The following NKAIN2 variants were observed in gnomAD, a reference collection of about 807,000 sequenced individuals.
NKAIN2 encodes the protein sodium/potassium-transporting ATPase subunit beta-1-interacting protein 2.
In NKAIN2, 14 loss-of-function variants were observed where a neutral mutation model predicts 32.6. That is an observed-to-expected ratio of 0.43 (90% confidence interval 0.28 to 0.67). The LOEUF (loss-of-function observed/expected upper bound fraction) is 0.67, where lower values mean the gene tolerates loss of function less well. NKAIN2 is among the 30% of genes least tolerant of loss of function. The probability of loss-of-function intolerance (pLI) is 0.17; values close to 1 mark genes in which losing one functional copy is unlikely to be tolerated. For missense variants in NKAIN2, 198 were observed against 258.3 expected (o/e 0.77, Z 1.60); for synonymous variants, 80 against 87.2 (o/e 0.92, Z 0.46).
intron 3 of NKAIN2, among the ~76,000 whole-genome samples, chr6:124,446,425 C>T (rs1405919026): frequency 6.6e-6 from 1 of 152,076 alleles, no homozygotes; most frequent in Non-Finnish European, 1.5e-5. Flanking sequence ...TCACCACAGC[C>T]TCGAATTCCT....
chr6:124,716,557 C>T (rs1775765944), intron 4 of NKAIN2, among the ~76,000 whole-genome samples: 1 of 152,190 alleles, frequency 6.6e-6, no homozygotes, highest in South Asian at 2.1e-4. Context: ...TAGAAGCCTA[C>T]AGTGGCTCCT....
intron 1 of NKAIN2, among the ~76,000 whole-genome samples, chr6:123,936,157 A>G (rs1340007207): frequency 6.6e-6 from 1 of 152,198 alleles, no homozygotes; most frequent in African/African-American, 2.4e-5. Context: ...TTGAAGATAG[A>G]AAGAGAAACC....
At chr6:124,811,865 A>C (rs1221563065) in intron 5 of NKAIN2, among the ~76,000 whole-genome samples, 1 of 152,140 alleles carries the variant, frequency 6.6e-6, no homozygotes, top group Non-Finnish European at 1.5e-5. Context: ...ATTATACCTC[A>C]GTATAGCTCT....
At chr6:124,282,052 T>C (rs1302505445) in intron 1 of NKAIN2, among the ~76,000 whole-genome samples, 1 of 152,182 alleles carries the variant, frequency 6.6e-6, no homozygotes, top group Non-Finnish European at 1.5e-5. Flanking sequence ...GCCAACATTC[T>C]GCTTTACTTT....
chr6:124,448,676 T>C (rs1353970043), intron 3 of NKAIN2, among the ~76,000 whole-genome samples: 1 of 152,150 alleles, frequency 6.6e-6, no homozygotes, highest in Non-Finnish European at 1.5e-5. Flanking sequence ...GATTTTTTAG[T>C]GCATTATGAA....
intron 2 of NKAIN2, among the ~76,000 whole-genome samples, chr6:124,353,273 G>T (rs1457226567): frequency 6.6e-6 from 1 of 152,174 alleles, no homozygotes; most frequent in East Asian, 1.9e-4. Context: ...GAGAAAATAT[G>T]CAAATAATCA....
intron 1 of NKAIN2, among the ~76,000 whole-genome samples, chr6:124,120,544 G>A (rs1045358634): frequency 5.9e-5 from 9 of 152,266 alleles, no homozygotes; most frequent in Admixed American, 5.9e-4. Flanking sequence ...ATGAGGTAGA[G>A]TGAAGCTAAA....
At chr6:123,808,901 T>C (rs1236956759) in intron 1 of NKAIN2, among the ~76,000 whole-genome samples, 1 of 152,222 alleles carries the variant, frequency 6.6e-6, no homozygotes, top group African/African-American at 2.4e-5. Context: ...TTATTTTTAA[T>C]ATGTGTGTGC....
intron 1 of NKAIN2, among the ~76,000 whole-genome samples, chr6:123,922,186 G>C (rs184090175): frequency 7.9e-5 from 12 of 152,206 alleles, no homozygotes; most frequent in African/African-American, 2.9e-4. Context: ...TGGTTGATAG[G>C]CAACTTATTT....
chr6:124,110,079 C>G (rs1785307520), intron 1 of NKAIN2, among the ~76,000 whole-genome samples: 2 of 149,272 alleles, frequency 1.3e-5, no homozygotes, highest in Admixed American at 1.3e-4. Flanking sequence ...CTTTGCCTGG[C>G]TTTGATATCA....
At chr6:124,713,534 G>T (rs1285751688) in intron 4 of NKAIN2, among the ~76,000 whole-genome samples, 1 of 152,078 alleles carries the variant, frequency 6.6e-6, no homozygotes, top group Non-Finnish European at 1.5e-5. Context: ...ATAATGGAGG[G>T]GGTAGAGCTT....
chr6:124,318,589 A>G (rs1429762409), intron 2 of NKAIN2, among the ~76,000 whole-genome samples: 1 of 151,866 alleles, frequency 6.6e-6, no homozygotes, highest in Non-Finnish European at 1.5e-5. Context: ...TACTCTTGCC[A>G]TTTGTTTTCT....
chr6:123,886,266 AT>A (rs1426995342), intron 1 of NKAIN2, among the ~76,000 whole-genome samples: 1 of 152,084 alleles, frequency 6.6e-6, no homozygotes, highest in East Asian at 1.9e-4. Context: ...AAACATATAA[AT>A]AAAAAAGAAG....
At chr6:123,806,549 G>T (rs1367643966) in intron 1 of NKAIN2, among the ~76,000 whole-genome samples, 2 of 152,026 alleles carry the variant, frequency 1.3e-5, no homozygotes, top group Non-Finnish European at 2.9e-5. Context: ...AAATAGGTGG[G>T]TGTGTATGTT....
chr6:124,547,733 A>G (rs1478239781), intron 3 of NKAIN2, among the ~76,000 whole-genome samples: 1 of 152,178 alleles, frequency 6.6e-6, no homozygotes, highest in Non-Finnish European at 1.5e-5. Flanking sequence ...TAAGAATTAA[A>G]TAAGGGGCCA....
intron 1 of NKAIN2, among the ~76,000 whole-genome samples, chr6:123,912,155 TTTA>T (rs1180641428): frequency 6.6e-6 from 1 of 152,018 alleles, no homozygotes; most frequent in Non-Finnish European, 1.5e-5. Context: ...TTAAAGGGTT[TTTA>T]TTATTGACAT....
chr6:124,154,821 T>C (rs969580893), intron 1 of NKAIN2, among the ~76,000 whole-genome samples: 1 of 151,932 alleles, frequency 6.6e-6, no homozygotes, highest in African/African-American at 2.4e-5. Flanking sequence ...CAGATAACAA[T>C]ATACAAAAAC....
chr6:124,199,436 G>A (rs1790499575), intron 1 of NKAIN2, among the ~76,000 whole-genome samples: 1 of 152,040 alleles, frequency 6.6e-6, no homozygotes, highest in Non-Finnish European at 1.5e-5. Flanking sequence ...CAGTGTTCAG[G>A]GCTCACATTC....
intron 4 of NKAIN2, among the ~76,000 whole-genome samples, chr6:124,689,919 A>G (rs1198384197): frequency 1.3e-5 from 2 of 152,042 alleles, no homozygotes; most frequent in Non-Finnish European, 2.9e-5. Context: ...TTCCTCCAAT[A>G]TTGTGTTGTC....
Sources: allele counts gnomAD v4.1 joint callset (sites outside exome capture counted in the v4.1 genomes callset), GRCh38; gene constraint gnomAD v4.1.1; transcripts MANE v1.5; gene names NCBI Gene and HGNC (gene_info 2026-07-23, HGNC 2026-07-21).